Variants in NEXN observed in about 807,000 individuals in gnomAD.
NEXN encodes the protein nexilin F-actin binding protein, also known as nexilin.
Under a neutral mutation model 92.6 loss-of-function variants are expected in NEXN, and 65 were observed. The observed-to-expected ratio is 0.70, with a 90% CI of 0.57 to 0.86. The LOEUF is 0.86. Ranked by LOEUF, NEXN falls within the 40% of genes least tolerant of loss-of-function variation. The pLI is 0.00. For synonymous variants in NEXN, 254 were observed against 242.5 expected (o/e 1.05, Z -0.44); for missense variants, 778 against 771.1 (o/e 1.01, Z -0.11).
intron 11 of NEXN, among the ~76,000 whole-genome samples, chr1:77,938,161 C>T (rs534468239): frequency 6.6e-6 from 1 of 152,242 alleles, no homozygotes; most frequent in East Asian, 1.9e-4. Context: ...GAAACATCAA[C>T]CAATCAATCT....
chr1:77,908,392 CTA>C (rs1463573969), intron 1 of NEXN, among the ~76,000 whole-genome samples: 11 of 97,572 alleles, frequency 1.1e-4, no homozygotes, highest in African/African-American at 2.7e-4. Context: ...TCCCCTACCT[CTA>C]TTTTTTTTTT....
rs1651634962 is a variant in NEXN at position 77,943,877 on chromosome 1, GTAACTTC to G, written c.*1050_*1056del. On this transcript the variant is annotated 3_prime_UTR_variant, in exon 13 of 13. Coordinates refer to ENST00000334785, the MANE Select transcript of NEXN (RefSeq NM_144573.4). ...ATTTTACAACGTGAACCCAAATAAAGTAACTTCTGTATTTAAAAGTCTTTCTGTATTT... is the reference window on the plus strand; with the variant it reads ...ATTTTACAACGTGAACCCAAATAAAGTGTATTTAAAAGTCTTTCTGTATTT... 1 of 157,296 alleles carries G rather than the reference GTAACTTC, an allele frequency of 6.4e-6. No individual in the cohort carries two copies. The allele number at this position is 157,296 out of a possible 1,614,324, so 9.7% of individuals were successfully genotyped here.
intron 8 of NEXN, among the ~76,000 whole-genome samples, chr1:77,928,252 G>A (rs1420499855): frequency 6.6e-6 from 1 of 151,116 alleles, no homozygotes; most frequent in Non-Finnish European, 1.5e-5. Flanking sequence ...TCAAGGCTAC[G>A]GCGAACTATG....
rs371752126 is a variant in NEXN at position 77,925,674 on chromosome 1, A to C, written c.489+445A>C. Among the ~76,000 whole-genome samples, 9 of 152,324 alleles carry C rather than the reference A, an allele frequency of 5.9e-5. No individual in the cohort carries two copies. In the East Asian group the frequency reaches 1.2e-3, roughly 20 times the overall value. On this transcript the variant is annotated intron_variant, in intron 6 of 12. Transcript: ENST00000334785. ...CTGTTACCAAGAAGAAATGTTCAACAACCACAAAAATTTTAGTCATCCCTT... is the reference window on the plus strand; with the variant it reads ...CTGTTACCAAGAAGAAATGTTCAACCACCACAAAAATTTTAGTCATCCCTT...
At chr1:77,931,428 A>AG (rs1410376489) in intron 9 of NEXN, among the ~76,000 whole-genome samples, 2 of 149,146 alleles carry the variant, frequency 1.3e-5, no homozygotes, top group African/African-American at 4.9e-5. Flanking sequence ...AAAAAAAAAA[A>AG]AAAAAAAAAA....
At chr1:77,896,932 C>CACAT (rs1271131868) in intron 1 of NEXN, among the ~76,000 whole-genome samples, 2 of 152,166 alleles carry the variant, frequency 1.3e-5, no homozygotes, top group African/African-American at 4.8e-5. Context: ...AATTCCTCAA[C>CACAT]ACATACACCC....
chr1:77,914,711 G>T (rs1322437561), intron 1 of NEXN, among the ~76,000 whole-genome samples: 1 of 151,892 alleles, frequency 6.6e-6, no homozygotes, highest in African/African-American at 2.4e-5. Context: ...ACAAAAATTA[G>T]CTGGGTGTGG....
intron 5 of NEXN, among the ~76,000 whole-genome samples, chr1:77,919,085 A>G (rs998873053): frequency 5.9e-5 from 9 of 152,160 alleles, no homozygotes; most frequent in Non-Finnish European, 8.8e-5. Flanking sequence ...GGGAGGTGAA[A>G]GGTACTTCTT....
rs1447912295 is a variant in NEXN, at chr1:77,942,327, G to A, written c.1659+119G>A. On this transcript the variant is annotated intron_variant, in intron 12 of 12. Coordinates refer to ENST00000334785, the MANE Select transcript of NEXN (RefSeq NM_144573.4). ...TTCTTTCAAGTCACTGGAATGTACT[G>A]TTAAGTACACTTTGTAGTAGGCACA... 3.0e-6 allele frequency: 4 copies of A among 1,329,994 alleles called. No homozygotes were observed. The African/African-American group carries it at 5.8e-5, about 19-fold the overall frequency. The allele number at this position is 1,329,994 out of a possible 1,614,324, so 82.4% of individuals were successfully genotyped here.
chr1:77,893,060 C>T (rs1219861697), intron 1 of NEXN, among the ~76,000 whole-genome samples: 3 of 151,712 alleles, frequency 2.0e-5, no homozygotes, highest in Non-Finnish European at 4.4e-5. Flanking sequence ...AGAGATAGAG[C>T]CTCACTATGT....
At chr1:77,940,023 G>A (rs1004503714) in intron 11 of NEXN, among the ~76,000 whole-genome samples, 2 of 152,236 alleles carry the variant, frequency 1.3e-5, no homozygotes, top group Admixed American at 6.5e-5. Flanking sequence ...GCAGTGAGCC[G>A]AGATCACGCC....
chr1:77,895,824 C>T (rs1647225669), intron 1 of NEXN, among the ~76,000 whole-genome samples: 5 of 151,842 alleles, frequency 3.3e-5, no homozygotes, highest in Admixed American at 3.3e-4. Flanking sequence ...GAGATAGTGC[C>T]ATTGCACTCC....
intron 8 of NEXN, among the ~76,000 whole-genome samples, chr1:77,927,611 T>A (rs1156928970): frequency 4.0e-5 from 6 of 151,516 alleles, no homozygotes; most frequent in East Asian, 1.9e-4. Flanking sequence ...TCTGTGTGTG[T>A]GTGTGTGTGT....
At chr1:77,901,665 C>T (rs1372708991) in intron 1 of NEXN, among the ~76,000 whole-genome samples, 1 of 152,124 alleles carries the variant, frequency 6.6e-6, no homozygotes, top group Admixed American at 6.6e-5. Context: ...CCTTAGGATC[C>T]TCAATAATGG....
At position 77,917,713 on chromosome 1, in the gene NEXN, G is replaced by T; in HGVS notation, c.175G>T (p.Glu59Ter). ...RSRDEKQRRK[E>*]QYIREREWNR... ...TAGAGACGAAAAACAAAGAAGAAAA[G>T]AACAATATATTAGAGAGAGAGAATG... The change falls in exon 3 of 13, where the codon GAA becomes TAA. Residue 59 changes from glutamate (E) to a stop codon, truncating the protein, a stop_gained. Coordinates refer to ENST00000334785, the MANE Select transcript of NEXN (RefSeq NM_144573.4). LOFTEE classifies it high-confidence loss of function. 6.2e-7 allele frequency: 1 copy of T among 1,611,422 alleles called. No homozygotes were observed. The highest frequency in any genetic ancestry group is 1.1e-5 in the South Asian group (1 of 90,804).
At position 77,918,126 on chromosome 1, in the gene NEXN, A is replaced by T; in HGVS notation, c.300A>T (p.Gly100=). ...VEKAYVPKLT[G]TVKGRFAEME... is the part of the protein sequence containing the mutation. Reference sequence around the variant, plus strand: ...AACTTTTTTTTCATATATTTTTAGGAACTGTGAAGGGTAGATTTGCTGAAA... The same window carrying T: ...AACTTTTTTTTCATATATTTTTAGGTACTGTGAAGGGTAGATTTGCTGAAA... The change falls in exon 5 of 13, where the codon GGA becomes GGT. Residue 100 remains glycine (G), a splice_region_variant and synonymous_variant. Transcript: ENST00000334785. 6.2e-7 allele frequency: 1 copy of T among 1,613,914 alleles called. No individual in the cohort carries two copies. Among genetic ancestry groups the T allele is most frequent in the Non-Finnish European group, 8.5e-7 (1 of 1,179,884 alleles).
intron 1 of NEXN, among the ~76,000 whole-genome samples, chr1:77,898,066 A>G (rs1331935045): frequency 6.6e-6 from 1 of 152,226 alleles, no homozygotes. Flanking sequence ...AATCAATATC[A>G]TGAAAATGGC....
chr1:77,891,162 G>C (rs979928412), intron 1 of NEXN, among the ~76,000 whole-genome samples: 1 of 151,894 alleles, frequency 6.6e-6, no homozygotes, highest in African/African-American at 2.4e-5. Context: ...TATACTCCAG[G>C]GTGGGTGGAT....
At chr1:77,938,520 G>A (rs987394695) in intron 11 of NEXN, among the ~76,000 whole-genome samples, 3 of 151,044 alleles carry the variant, frequency 2.0e-5, no homozygotes, top group Admixed American at 1.3e-4. Flanking sequence ...GTGGTGGCAC[G>A]GGTCTATAGT....
Sources: allele counts gnomAD v4.1 joint callset (sites outside exome capture counted in the v4.1 genomes callset), GRCh38; gene constraint gnomAD v4.1.1; transcripts MANE v1.5; gene names NCBI Gene and HGNC (gene_info 2026-07-23, HGNC 2026-07-21).